SIK2: variants seen among roughly 807,000 people sequenced by gnomAD.
The protein encoded by SIK2 is serine/threonine-protein kinase SIK2.
In SIK2, 29 loss-of-function variants were observed where a neutral mutation model predicts 103.2. The ratio of observed to expected loss-of-function variants is 0.28; its 90% CI spans 0.21 to 0.38. The LOEUF (loss-of-function observed/expected upper bound fraction) is 0.38, where lower values mean the gene tolerates loss of function less well. Ranked by LOEUF, SIK2 falls within the 10% of genes least tolerant of loss-of-function variation. The pLI, the probability that SIK2 is intolerant of heterozygous loss-of-function variation, is 1.00. For synonymous variants in SIK2, 412 were observed against 446.1 expected (o/e 0.92, Z 0.96); for missense variants, 879 against 1,171.0 (o/e 0.75, Z 3.64).
intron 3 of SIK2, among the ~76,000 whole-genome samples, chr11:111,621,891 C>T (rs1025268702): frequency 6.6e-5 from 10 of 151,718 alleles, no homozygotes; most frequent in South Asian, 4.2e-4. Flanking sequence ...TTAGCCTGGG[C>T]AACAGAGTGA....
chr11:111,701,705 C>G lies in SIK2; in HGVS notation c.727+130C>G. On this transcript the variant is annotated intron_variant, in intron 6 of 14. Transcript: ENST00000304987. This position sits in a 1 kb window ranked among gnomAD's most constrained non-coding sequence, Gnocchi z 4.2. ...AAGTGACTGAGCTGTAGGTTAAAAG[C>G]TATAGAAAGAAGCAACCTCCTTTAT... 8.2e-7 allele frequency: 1 copy of G among 1,218,288 alleles called. No homozygotes were observed. The highest frequency in any genetic ancestry group is 1.7e-5 in the South Asian group (1 of 58,018). The allele number at this position is 1,218,288 out of a possible 1,614,324, so 75.5% of individuals were successfully genotyped here.
At chr11:111,692,718 T>C (rs1030805000) in intron 4 of SIK2, among the ~76,000 whole-genome samples, 1 of 152,150 alleles carries the variant, frequency 6.6e-6, no homozygotes, top group Admixed American at 6.5e-5. Context: ...AACTCTTAAA[T>C]CTTAATGGAA....
chr11:111,652,745 A>T lies in SIK2; in HGVS notation c.316+32343A>T, dbSNP rs7944566. ...CATCTTGTATGTCTTTTCTCATTTA[A>T]CCCTCACATAGGTGGATGTGTTATC... is the stretch of plus-strand genomic sequence containing the variant. On this transcript the variant is annotated intron_variant, in intron 3 of 14. Transcript: ENST00000304987. Among the ~76,000 whole-genome samples the T allele has an allele frequency of 6.2e-3, 947 of 152,300 alleles. 4 individuals carry two copies. Among genetic ancestry groups the T allele is most frequent in the African/African-American group, 0.022 (894 of 41,566 alleles).
At chr11:111,671,921 C>G (rs1942633078) in intron 3 of SIK2, 3 of 456,680 alleles carry the variant, frequency 6.6e-6, no homozygotes, top group Non-Finnish European at 1.3e-5. Flanking sequence ...CTTCTCTGAC[C>G]CAGAGTGTCC....
At position 111,724,097 on chromosome 11, in the gene SIK2, CCACAA is replaced by C. The variant is rs763031292; in HGVS notation, c.2756_2760del (p.His919ArgfsTer18). On this transcript the variant is annotated frameshift_variant, in exon 15 of 15. Transcript: ENST00000304987. LOFTEE classifies it high-confidence loss of function. ...TTGTGAAATGCTAGACGCTGTGGAT[CCACAA>C]CACAACGGGTATGTCCTGGTGAATT... is the stretch of plus-strand genomic sequence containing the variant. 3.7e-6 allele frequency: 6 copies of C among 1,612,632 alleles called. No individual in the cohort carries two copies. Among genetic ancestry groups the C allele is most frequent in the Non-Finnish European group, 5.1e-6 (6 of 1,179,998 alleles).
intron 3 of SIK2, among the ~76,000 whole-genome samples, chr11:111,639,366 T>C (rs1942151635): frequency 6.6e-6 from 1 of 152,224 alleles, no homozygotes; most frequent in Admixed American, 6.5e-5. Flanking sequence ...CTAATTTCTG[T>C]CTCCTTTACT....
rs931856721 is a variant in SIK2 at position 111,724,025 on chromosome 11, T to A, written c.2677T>A (p.Ser893Thr). 4 of 1,614,160 alleles carry A rather than the reference T, an allele frequency of 2.5e-6. No homozygotes were observed. Among genetic ancestry groups the A allele is most frequent in the Non-Finnish European group, 3.4e-6 (4 of 1,180,028 alleles). ...AAGCCCAGGACTGCAAGAGGCCCCC[T>A]CCAGCTACGACCCACTAGCCCTCTC... ...PRSPGLQEAP[S>T]SYDPLALSEL... Residue 893 changes from serine (S) to threonine (T), a missense_variant, in exon 15 of 15, where the codon TCC becomes ACC. Transcript: ENST00000304987.
At chr11:111,625,318 T>A (rs1638648274) in intron 3 of SIK2, among the ~76,000 whole-genome samples, 1 of 151,868 alleles carries the variant, frequency 6.6e-6, no homozygotes, top group Non-Finnish European at 1.5e-5. Context: ...CAGTGAGGGG[T>A]GTTGACAGCC....
intron 3 of SIK2, among the ~76,000 whole-genome samples, chr11:111,666,943 T>TTTTATTTA (rs57641391): frequency 0.012 from 1,698 of 145,450 alleles, 36 homozygotes; most frequent in African/African-American, 0.04. Context: ...TTTTATTTTA[T>TTTTATTTA]TTTATTTATT....
At chr11:111,608,576 C>T (rs966442574) in intron 1 of SIK2, among the ~76,000 whole-genome samples, 1 of 152,134 alleles carries the variant, frequency 6.6e-6, no homozygotes, top group Non-Finnish European at 1.5e-5. Context: ...TGCATATAAT[C>T]TGTGTTTTTT....
chr11:111,636,582 T>C (rs1046166316), intron 3 of SIK2, among the ~76,000 whole-genome samples: 3 of 152,132 alleles, frequency 2.0e-5, no homozygotes, highest in Non-Finnish European at 4.4e-5. Flanking sequence ...GAAGGTAAGA[T>C]GGATAGGAAG....
At chr11:111,686,354 T>A (rs1311663407) in intron 3 of SIK2, among the ~76,000 whole-genome samples, 2 of 152,094 alleles carry the variant, frequency 1.3e-5, no homozygotes, top group Admixed American at 1.3e-4. Flanking sequence ...GGCATGAGAA[T>A]TGCTTGAACC....
intron 3 of SIK2, among the ~76,000 whole-genome samples, chr11:111,652,445 T>C (rs1477425287): frequency 6.6e-6 from 1 of 152,188 alleles, no homozygotes; most frequent in Non-Finnish European, 1.5e-5. Flanking sequence ...AGATTGTATG[T>C]CATTAATTTC....
chr11:111,721,427 C>T (rs572381838), intron 12 of SIK2, among the ~76,000 whole-genome samples: 1 of 152,280 alleles, frequency 6.6e-6, no homozygotes, highest in East Asian at 1.9e-4. Context: ...AGCTTCTCAC[C>T]ACTACTTTTG....
At chr11:111,718,767 G>A (rs1943716754) in intron 9 of SIK2, 1 of 152,240 alleles carries the variant, frequency 6.6e-6, no homozygotes, top group African/African-American at 2.4e-5. Flanking sequence ...CCAGGTGAAA[G>A]TACTGCTTAG....
At chr11:111,679,093 T>A (rs1490581849) in intron 3 of SIK2, among the ~76,000 whole-genome samples, 3 of 152,236 alleles carry the variant, frequency 2.0e-5, no homozygotes, top group African/African-American at 7.2e-5. Context: ...GTATTTTACT[T>A]ACATGTTTTA....
In SIK2 at chr11:111,724,794, C is replaced by T. The variant is rs1246683046; in HGVS notation, c.*665C>T. The T allele has an allele frequency of 1.3e-5, 2 of 152,564 alleles. No individual in the cohort carries two copies. The highest frequency in any genetic ancestry group is 2.4e-5 in the African/African-American group (1 of 41,468). 9.5% of individuals were successfully genotyped at this position (152,564 alleles called of 1,614,324 possible). A position where few individuals can be genotyped will look rare whatever the true frequency, so the allele number is the denominator to read the frequency against. On this transcript the variant is annotated 3_prime_UTR_variant, in exon 15 of 15. Transcript: ENST00000304987. Reference sequence around the variant, plus strand: ...CCATTCGGAAGCAGGTGACACACCCCTTCAGAAGGTGCCCTGGGTTGCCGA... The same window carrying T: ...CCATTCGGAAGCAGGTGACACACCCTTTCAGAAGGTGCCCTGGGTTGCCGA...
chr11:111,603,607 C>A (rs546047347), intron 1 of SIK2, among the ~76,000 whole-genome samples: 1 of 152,296 alleles, frequency 6.6e-6, no homozygotes, highest in African/African-American at 2.4e-5. Context: ...AACCCGCCCC[C>A]CTTCCTTCCA....
Position 111,724,516 on chromosome 11 carries a change from T to C in SIK2, c.*387T>C, listed in dbSNP as rs1186448624. The C allele has an allele frequency of 1.1e-5, 2 of 190,010 alleles. No individual in the cohort carries two copies. Among genetic ancestry groups the C allele is most frequent in the Non-Finnish European group, 2.2e-5 (2 of 91,848 alleles). 11.8% of individuals were successfully genotyped at this position (190,010 alleles called of 1,614,324 possible). A position where few individuals can be genotyped will look rare whatever the true frequency, so the allele number is the denominator to read the frequency against. On this transcript the variant is annotated 3_prime_UTR_variant, in exon 15 of 15. Transcript: ENST00000304987. ...CAGAAAGGGTGTGTGCTATTGCATA[T>C]ATATGGGGGAAAAGGCAATATATTT...
Sources: allele counts gnomAD v4.1 joint callset (sites outside exome capture counted in the v4.1 genomes callset), GRCh38; gene constraint gnomAD v4.1.1; non-coding constraint Gnocchi (gnomAD v3.1); transcripts MANE v1.5; gene names NCBI Gene and HGNC (gene_info 2026-07-23, HGNC 2026-07-21).